The following XCR1 variants were observed in gnomAD, a reference collection of about 807,000 sequenced individuals.
The protein encoded by XCR1 is X-C motif chemokine receptor 1.
For missense variants in XCR1, 356 were observed against 424.2 expected, an observed-to-expected ratio of 0.84 and a Z score of 1.41; for synonymous variants, 187 against 188.5, an observed-to-expected ratio of 0.99 and a Z score of 0.06.
intron 5 of XCR1, among the ~76,000 whole-genome samples, chr3:46,047,835 T>G (rs1005304273): frequency 2.6e-5 from 4 of 152,204 alleles, no homozygotes; most frequent in African/African-American, 9.7e-5. Flanking sequence ...TCCATCTAAT[T>G]GACCTTTAGG....
At chr3:46,046,324 G>A (rs1027179307) in intron 5 of XCR1, among the ~76,000 whole-genome samples, 10 of 152,196 alleles carry the variant, frequency 6.6e-5, no homozygotes, top group Non-Finnish European at 1.3e-4. Context: ...AAGAGATAGC[G>A]AGAAGGGTGG....
chr3:46,060,585 G>A (rs1275757775), intron 4 of XCR1, among the ~76,000 whole-genome samples: 1 of 152,132 alleles, frequency 6.6e-6, no homozygotes, highest in Non-Finnish European at 1.5e-5. Flanking sequence ...GAATCTCCTG[G>A]TGGAAGCATT....
intron 4 of XCR1, among the ~76,000 whole-genome samples, chr3:46,060,082 G>A (rs141935343): frequency 1.2e-4 from 18 of 152,278 alleles, no homozygotes; most frequent in African/African-American, 1.9e-4. Context: ...ATATCTATCC[G>A]TACAAACATA....
At chr3:46,070,874 G>A (rs1443807853) in intron 3 of XCR1, among the ~76,000 whole-genome samples, 1 of 151,856 alleles carries the variant, frequency 6.6e-6, no homozygotes, top group African/African-American at 2.4e-5. Context: ...TGTCTTTGTG[G>A]TTTGGTGGTA....
rs117549450 is a variant in XCR1 at position 46,056,570 on chromosome 3, C to A, written c.-182-2500G>T. 1.1e-3 allele frequency among the ~76,000 whole-genome samples: 165 copies of A among 152,172 alleles called. 4 individuals carry two copies. In the East Asian group the frequency reaches 0.029, roughly 26 times the overall value. On this transcript the variant is annotated intron_variant, in intron 4 of 5. Coordinates refer to the XCR1 transcript ENST00000683768. ...CTCGCTGCAGCCTCAACCTCCTGGA[C>A]TCAAGCAATTCTCCTGCCTCAGCCC... is the stretch of plus-strand genomic sequence containing the variant.
chr3:46,066,219 T>TCCCTCC, intron 4 of XCR1, among the ~76,000 whole-genome samples: 1 of 136,182 alleles, frequency 7.3e-6, no homozygotes, highest in South Asian at 2.6e-4. Flanking sequence ...CCTCCCTCCC[T>TCCCTCC]CGCTCTCTCT....
chr3:46,034,393 T>C (rs1697378569), intron 5 of XCR1, among the ~76,000 whole-genome samples: 1 of 152,218 alleles, frequency 6.6e-6, no homozygotes, highest in Non-Finnish European at 1.5e-5. Flanking sequence ...GAGAACCATG[T>C]CATCTGCAAA....
chr3:46,026,926 C>T (rs1708303552), intron 1 of XCR1, among the ~76,000 whole-genome samples: 1 of 149,880 alleles, frequency 6.7e-6, no homozygotes, highest in Non-Finnish European at 1.5e-5. Flanking sequence ...GGGTCTCGCC[C>T]TATCACCCAT....
Position 46,061,840 on chromosome 3 carries a change from C to A in XCR1, c.-183+5059G>T, listed in dbSNP as rs148697835. ...CTGGGCATGGTGACTGAGAAAGCCCCAGGTGAGTGTAAAGCATTGGAATGG... is the reference window on the plus strand; with the variant it reads ...CTGGGCATGGTGACTGAGAAAGCCCAAGGTGAGTGTAAAGCATTGGAATGG... On this transcript the variant is annotated intron_variant, in intron 4 of 5. Transcript: ENST00000683768. Among the ~76,000 whole-genome samples the A allele has an allele frequency of 9.9e-5, 15 of 152,232 alleles. No homozygotes were observed. The East Asian group carries it at 2.9e-3, about 29-fold the overall frequency.
intron 1 of XCR1, chr3:46,023,748 A>G (rs772470827): frequency 2.6e-6 from 4 of 1,548,026 alleles, no homozygotes; most frequent in Non-Finnish European, 3.6e-6. Context: ...AGAGTGAGAC[A>G]GCAGAGCCAT....
intron 1 of XCR1, chr3:46,023,736 A>G (rs1708220258): frequency 1.3e-6 from 2 of 1,543,158 alleles, no homozygotes; most frequent in African/African-American, 2.7e-5. Context: ...TACTTCAGCA[A>G]AAGAGTGAGA....
chr3:46,063,972 G>C (rs1246711390), intron 4 of XCR1, among the ~76,000 whole-genome samples: 1 of 152,078 alleles, frequency 6.6e-6, no homozygotes, highest in Non-Finnish European at 1.5e-5. Context: ...TCCCAGGCTT[G>C]AGCAATCCTC....
At chr3:46,068,067 C>T (rs1051279794) in intron 3 of XCR1, among the ~76,000 whole-genome samples, 1 of 152,180 alleles carries the variant, frequency 6.6e-6, no homozygotes, top group Admixed American at 6.5e-5. Flanking sequence ...CTGCCAGTAA[C>T]AGAGCACATG....
At chr3:46,081,628 G>A (rs2125904789) in intron 1 of XCR1, among the ~76,000 whole-genome samples, 1 of 152,104 alleles carries the variant, frequency 6.6e-6, no homozygotes, top group South Asian at 2.1e-4. Flanking sequence ...TTTTGGCATT[G>A]CAAGCATTTT....
At chr3:46,064,248 AATT>A (rs1310013096) in intron 4 of XCR1, among the ~76,000 whole-genome samples, 1 of 152,170 alleles carries the variant, frequency 6.6e-6, no homozygotes. Context: ...GGCACTGCGT[AATT>A]ATTTGTTAGA....
chr3:46,032,987 A>G (rs1708427743), intron 5 of XCR1, among the ~76,000 whole-genome samples: 1 of 152,140 alleles, frequency 6.6e-6, no homozygotes, highest in African/African-American at 2.4e-5. Context: ...TTTTCTTATC[A>G]TTGAGTTCTA....
upstream of XCR1, among the ~76,000 whole-genome samples, chr3:46,029,240 G>C (rs1175483740): frequency 6.6e-6 from 1 of 152,178 alleles, no homozygotes; most frequent in Admixed American, 6.5e-5. Context: ...TTCTCACTCT[G>C]TTGCCCCGTC....
At chr3:46,034,838 C>A (rs1393119364) in intron 5 of XCR1, among the ~76,000 whole-genome samples, 1 of 152,148 alleles carries the variant, frequency 6.6e-6, no homozygotes, top group African/African-American at 2.4e-5. Flanking sequence ...TCAGGAAAGA[C>A]CTTCAGGCCT....
In XCR1 at chr3:46,021,073, A is replaced by ACC; in HGVS notation, c.873_874dup (p.Val292GlyfsTer8). 1 of 1,614,084 alleles carries ACC rather than the reference A, an allele frequency of 6.2e-7. No homozygotes were observed. The stretch of plus-strand genomic sequence containing the variant: ...ATGTTTCAGGTGTGTGCGGAACTTG[A>ACC]CCCCCACGAAGACATAGAGCACCGG... On this transcript the variant is annotated frameshift_variant, in exon 2 of 2. Transcript: ENST00000309285. LOFTEE classifies it low-confidence loss of function (END_TRUNC). This position sits in a 1 kb window ranked among gnomAD's most constrained non-coding sequence, Gnocchi z 4.7.
Sources: gnomAD v4.1 joint callset for allele counts (sites outside exome capture counted in the v4.1 genomes callset) on GRCh38, gnomAD v4.1.1 for gene constraint, Gnocchi (gnomAD v3.1) non-coding constraint, MANE v1.5 for transcripts, NCBI Gene and HGNC (gene_info 2026-07-23, HGNC 2026-07-21) for gene names.